EPS15: variants seen among roughly 807,000 people sequenced by gnomAD.
The protein encoded by EPS15 is epidermal growth factor receptor substrate 15.
A neutral mutation model predicts 113.8 loss-of-function variants in EPS15; 72 were observed. The observed-to-expected ratio is 0.63, with a 90% CI of 0.52 to 0.77. The LOEUF (loss-of-function observed/expected upper bound fraction) is 0.77, where lower values mean the gene tolerates loss of function less well. Ranked by LOEUF, EPS15 falls within the 30% of genes least tolerant of loss-of-function variation. EPS15 has a pLI of 0.00. For missense variants in EPS15, 1,048 were observed against 1,045.8 expected (o/e 1.00, Z -0.03); for synonymous variants, 344 against 363.4 (o/e 0.95, Z 0.61).
intron 1 of EPS15, among the ~76,000 whole-genome samples, chr1:51,508,328 AAGAGAAAG>A (rs1557537027): frequency 7.7e-4 from 66 of 85,410 alleles, no homozygotes; most frequent in East Asian, 6.7e-4. Flanking sequence ...GAAAGAGAGA[AAGAGAAAG>A]AGAGAAAGAA....
At chr1:51,469,512 T>TA (rs1480556832) in intron 4 of EPS15, among the ~76,000 whole-genome samples, 1 of 152,214 alleles carries the variant, frequency 6.6e-6, no homozygotes, top group African/African-American at 2.4e-5. Flanking sequence ...TGTTTTGAGT[T>TA]AGTGTCATAG....
In EPS15 at chr1:51,400,941, T is replaced by C; in HGVS notation, c.1895A>G (p.Lys632Arg). 2 of 1,586,676 alleles carry C rather than the reference T, an allele frequency of 1.3e-6. No homozygotes were observed. Among genetic ancestry groups the C allele is most frequent in the Admixed American group, 1.8e-5 (1 of 56,050 alleles). The change falls in exon 19 of 25, where the codon AAG (lysine) becomes AGG (arginine). Residue 632 changes from lysine to arginine, a missense_variant. Transcript: ENST00000371733. ...ACCGATTTTTCCAAAAGGATCATCC[T>C]TGAAAGGATCACCTGTGATAAAATA... ...SDPFVGSDPF[K>R]DDPFGKIDPF...
At chr1:51,490,426 G>C (rs550128819) in intron 1 of EPS15, 61 of 301,106 alleles carry the variant, frequency 2.0e-4, no homozygotes, top group South Asian at 1.4e-3. Context: ...TTAGCTGGGC[G>C]TGGTGGCGGG....
intron 21 of EPS15, among the ~76,000 whole-genome samples, chr1:51,369,391 A>G (rs2148357509): frequency 6.6e-6 from 1 of 152,240 alleles, no homozygotes; most frequent in Non-Finnish European, 1.5e-5. Flanking sequence ...TTCCAGAAAC[A>G]CTTTTAGAGA....
chr1:51,450,515 T>C (rs897615751), intron 8 of EPS15, among the ~76,000 whole-genome samples: 1 of 151,866 alleles, frequency 6.6e-6, no homozygotes, highest in African/African-American at 2.4e-5. Context: ...GTTTCTTCCA[T>C]GTATATATGA....
chr1:51,402,518 G>A lies in EPS15; in HGVS notation c.1799C>T (p.Pro600Leu). Residue 600 changes from proline to leucine, a missense_variant, in exon 18 of 25, where the codon CCA becomes CTA. Physicochemically the swap from Pro to Leu is moderately conservative, Grantham distance 98 (BLOSUM62 -3). Coordinates refer to ENST00000371733, the MANE Select transcript of EPS15 (RefSeq NM_001981.3). Reference protein sequence around the residue: ...DNNRHSKEEDPFNVDSSSLTG... With the variant: ...DNNRHSKEEDLFNVDSSSLTG... The stretch of plus-strand genomic sequence containing the variant: ...CAGCGAACTTGAGTCTACATTAAAT[G>A]GATCTTCCTAAAAATAATTTTAAAT... 6.7e-7 allele frequency: 1 copy of A among 1,492,796 alleles called. No homozygotes were observed. Among genetic ancestry groups the A allele is most frequent in the Middle Eastern group, 2.0e-4 (1 of 4,996 alleles). 92.5% of individuals were successfully genotyped at this position (1,492,796 alleles called of 1,614,324 possible).
intron 1 of EPS15, among the ~76,000 whole-genome samples, chr1:51,508,358 AAG>A (rs1478727233): frequency 6.6e-6 from 1 of 150,518 alleles, no homozygotes; most frequent in Non-Finnish European, 1.5e-5. Flanking sequence ...GAAAGAAAGA[AAG>A]AAAGAAAGAA....
intron 12 of EPS15, among the ~76,000 whole-genome samples, chr1:51,433,583 T>G (rs556855878): frequency 6.6e-6 from 1 of 152,278 alleles, no homozygotes; most frequent in African/African-American, 2.4e-5. Flanking sequence ...TGAGCTGAGG[T>G]AGATAATCAG....
chr1:51,461,827 G>C (rs889739867), intron 7 of EPS15: 7 of 152,180 alleles, frequency 4.6e-5, no homozygotes, highest in African/African-American at 1.7e-4. Flanking sequence ...ATAATATGGT[G>C]GTATGGTGGT....
rs368989429 is a variant in EPS15, at chr1:51,399,998, T to A, written c.1919-833A>T. 2.7e-4 allele frequency among the ~76,000 whole-genome samples: 41 copies of A among 152,332 alleles called. 1 individual carries two copies. The South Asian group carries it at 6.6e-3, about 25-fold the overall frequency. On this transcript the variant is annotated intron_variant, in intron 19 of 24. Transcript: ENST00000371733. Reference sequence around the variant, plus strand: ...TAAACTTATTTTTAAAATTAACATATAATTTCAAGGGATCCAATTTTAAGT... The same window carrying A: ...TAAACTTATTTTTAAAATTAACATAAAATTTCAAGGGATCCAATTTTAAGT...
intron 21 of EPS15, among the ~76,000 whole-genome samples, chr1:51,383,534 T>C (rs1056086349): frequency 5.3e-5 from 8 of 152,210 alleles, no homozygotes; most frequent in African/African-American, 1.2e-4. Flanking sequence ...ATCCCTCACA[T>C]GTGCAGTTCA....
At chr1:51,447,929 C>G in intron 9 of EPS15, 117 bp downstream of exon 9, 1 of 1,442,186 alleles carries the variant, frequency 6.9e-7, no homozygotes, top group Non-Finnish European at 9.2e-7. Flanking sequence ...ACTGATAAAT[C>G]TATACCTGTC....
At chr1:51,449,336 G>A (rs1014185923) in intron 8 of EPS15, among the ~76,000 whole-genome samples, 3 of 152,020 alleles carry the variant, frequency 2.0e-5, no homozygotes, top group African/African-American at 4.8e-5. Flanking sequence ...ACTAACACAG[G>A]AACAGAAAAA....
chr1:51,484,851 G>A (rs12094800), intron 1 of EPS15, among the ~76,000 whole-genome samples: 197 of 152,366 alleles, frequency 1.3e-3, no homozygotes, highest in African/African-American at 4.4e-3. Context: ...AGCTGGCTAT[G>A]TCAGTGGGAA....
chr1:51,427,430 G>A (rs1651323580), intron 12 of EPS15, among the ~76,000 whole-genome samples: 1 of 152,082 alleles, frequency 6.6e-6, no homozygotes, highest in African/African-American at 2.4e-5. Flanking sequence ...TTAATTCAGT[G>A]TATGTGAACA....
intron 12 of EPS15, chr1:51,423,191 C>A: frequency 7.8e-7 from 1 of 1,287,878 alleles, no homozygotes. Flanking sequence ...TTTGAGATGG[C>A]CAAGGAGCTC....
intron 11 of EPS15, among the ~76,000 whole-genome samples, chr1:51,441,419 C>G (rs1652587829): frequency 6.6e-6 from 1 of 151,970 alleles, no homozygotes; most frequent in Admixed American, 6.6e-5. Context: ...TCATCTACAC[C>G]CAATGCTACA....
At chr1:51,413,495 G>C (rs574456042) in intron 13 of EPS15, among the ~76,000 whole-genome samples, 1 of 152,134 alleles carries the variant, frequency 6.6e-6, no homozygotes, top group Non-Finnish European at 1.5e-5. Flanking sequence ...TGGGAAACAC[G>C]CATGAGACTG....
At position 51,492,480 on chromosome 1, in the gene EPS15, A is replaced by G. The variant is rs181448034; in HGVS notation, c.34-11166T>C. Among the ~76,000 whole-genome samples the G allele has an allele frequency of 6.6e-4, 101 of 152,362 alleles. 1 individual carries two copies. Among genetic ancestry groups the G allele is most frequent in the Non-Finnish European group, 1.2e-3 (80 of 68,024 alleles). On this transcript the variant is annotated intron_variant, in intron 1 of 24. Coordinates refer to ENST00000371733, the MANE Select transcript of EPS15 (RefSeq NM_001981.3). ...AGAAGAAAGGGACTTTAGAATAGACAAAAGAATTTCAAAGAGATAGTACAG... is the reference window on the plus strand; with the variant it reads ...AGAAGAAAGGGACTTTAGAATAGACGAAAGAATTTCAAAGAGATAGTACAG...
Sources: allele counts gnomAD v4.1 joint callset (sites outside exome capture counted in the v4.1 genomes callset), GRCh38; gene constraint gnomAD v4.1.1; transcripts MANE v1.5; gene names NCBI Gene and HGNC (gene_info 2026-07-23, HGNC 2026-07-21).